The following TTC7A variants were observed in gnomAD, a reference collection of about 807,000 sequenced individuals.
The protein encoded by TTC7A is tetratricopeptide repeat domain 7A.
In TTC7A, 110 loss-of-function variants were observed where a neutral mutation model predicts 103.7. The ratio of observed to expected loss-of-function variants is 1.06; its 90% CI spans 0.91 to 1.24. The LOEUF (loss-of-function observed/expected upper bound fraction) is 1.24, where lower values mean the gene tolerates loss of function less well. Among genes scored for constraint, TTC7A ranks in the 50% most tolerant of loss-of-function variants. The pLI, the probability that TTC7A is intolerant of heterozygous loss-of-function variation, is 0.00. For missense variants in TTC7A, 1,340 were observed against 1,116.3 expected, an observed-to-expected ratio of 1.20 and a Z score of -2.86; for synonymous variants, 521 against 467.9, an observed-to-expected ratio of 1.11 and a Z score of -1.47.
intron 2 of TTC7A, among the ~76,000 whole-genome samples, chr2:46,922,080 G>C (rs1669134110): frequency 6.6e-6 from 1 of 152,196 alleles, no homozygotes; most frequent in Admixed American, 6.5e-5. Flanking sequence ...AAGCTGATTA[G>C]CTGGCATCCA....
intron 12 of TTC7A, among the ~76,000 whole-genome samples, chr2:47,022,236 C>G (rs1679373527): frequency 6.6e-6 from 1 of 152,194 alleles, no homozygotes; most frequent in South Asian, 2.1e-4. Flanking sequence ...CTTCATGGGC[C>G]TCAAGGCCCA....
chr2:47,021,678 G>T (rs910321368), intron 11 of TTC7A, among the ~76,000 whole-genome samples, 184 bp from the exon 12 acceptor site: 1 of 152,256 alleles, frequency 6.6e-6, no homozygotes, highest in Admixed American at 6.5e-5. Flanking sequence ...TTGGGTTCAT[G>T]CTCTCAGCAG....
At chr2:47,020,097 C>T (rs1176480204) in intron 11 of TTC7A, among the ~76,000 whole-genome samples, 1 of 152,118 alleles carries the variant, frequency 6.6e-6, no homozygotes, top group African/African-American at 2.4e-5. Context: ...GTGTCAGCTC[C>T]TCCGCCAGGC....
At chr2:47,047,653 C>T (rs941234348) in intron 16 of TTC7A, among the ~76,000 whole-genome samples, 2 of 152,224 alleles carry the variant, frequency 1.3e-5, no homozygotes, top group African/African-American at 4.8e-5. Context: ...TTCCTGCATC[C>T]TTATCTGGAT....
At chr2:46,973,810 C>T (rs1179909138) in intron 3 of TTC7A, among the ~76,000 whole-genome samples, 1 of 152,156 alleles carries the variant, frequency 6.6e-6, no homozygotes, top group African/African-American at 2.4e-5. Flanking sequence ...ACTTGCTCAC[C>T]CAGTTTCAAG....
At chr2:47,011,807 G>C (rs892849038) in intron 11 of TTC7A, among the ~76,000 whole-genome samples, 1 of 152,246 alleles carries the variant, frequency 6.6e-6, no homozygotes, top group Non-Finnish European at 1.5e-5. Flanking sequence ...CAATCTGCAA[G>C]GGCCTGCAAG....
intron 10 of TTC7A, among the ~76,000 whole-genome samples, chr2:47,009,574 G>A (rs1411799505): frequency 3.3e-5 from 5 of 152,150 alleles, no homozygotes; most frequent in African/African-American, 4.8e-5. Flanking sequence ...GGAGGGAGGC[G>A]GGGTGTCCAG....
At chr2:46,973,398 G>A (rs986840006) in intron 3 of TTC7A, among the ~76,000 whole-genome samples, 2 of 152,332 alleles carry the variant, frequency 1.3e-5, no homozygotes, top group South Asian at 2.1e-4. Context: ...TCCAGCCACC[G>A]CATGGTGCAG....
intron 15 of TTC7A, among the ~76,000 whole-genome samples, chr2:47,032,422 C>T (rs1680647236): frequency 6.6e-6 from 1 of 152,186 alleles, no homozygotes; most frequent in African/African-American, 2.4e-5. Flanking sequence ...AGGCAGGAAC[C>T]TCTGCCGTGG....
chr2:46,932,966 G>C (rs980439911), intron 2 of TTC7A, among the ~76,000 whole-genome samples: 1 of 151,912 alleles, frequency 6.6e-6, no homozygotes, highest in African/African-American at 2.4e-5. Context: ...TATAATCTCT[G>C]AGTGGCCAGA....
intron 18 of TTC7A, among the ~76,000 whole-genome samples, chr2:47,056,363 G>C (rs2949785): frequency 0.2 from 29,935 of 152,232 alleles, 3,033 homozygotes; most frequent in Non-Finnish European, 0.22. Flanking sequence ...CTCCTGCCCT[G>C]TGGCTCACCT....
chr2:47,012,612 AATC>A (rs1678192152), intron 11 of TTC7A, among the ~76,000 whole-genome samples: 1 of 152,184 alleles, frequency 6.6e-6, no homozygotes, highest in Non-Finnish European at 1.5e-5. Context: ...TACACAAACA[AATC>A]ATGGATTCTG....
intron 1 of TTC7A, among the ~76,000 whole-genome samples, chr2:46,942,266 C>T (rs142626167): frequency 6.6e-6 from 1 of 151,956 alleles, no homozygotes; most frequent in East Asian, 1.9e-4. Context: ...CCAGCTCTAG[C>T]AGTCGGTGGC....
intron 19 of TTC7A, among the ~76,000 whole-genome samples, chr2:47,070,552 A>C (rs899857093): frequency 6.6e-6 from 1 of 152,184 alleles, no homozygotes; most frequent in South Asian, 2.1e-4. Context: ...GGGGCAGGAC[A>C]GGGATCACAT....
At chr2:46,932,237 C>T (rs1669744714) in intron 2 of TTC7A, among the ~76,000 whole-genome samples, 1 of 151,648 alleles carries the variant, frequency 6.6e-6, no homozygotes, top group African/African-American at 2.4e-5. Flanking sequence ...GCAACCTCTT[C>T]CTCCTCGGTT....
At chr2:46,987,157 G>A (rs964335739) in intron 5 of TTC7A, among the ~76,000 whole-genome samples, 9 of 152,292 alleles carry the variant, frequency 5.9e-5, no homozygotes, top group East Asian at 1.9e-4. Context: ...TGGGGGTGGA[G>A]GGCGTCTCTT....
At chr2:47,054,261 TTACA>T (rs1573044829) in intron 18 of TTC7A, 1 of 264,076 alleles carries the variant, frequency 3.8e-6, no homozygotes, top group East Asian at 1.7e-3. Context: ...ATGTAACAGT[TTACA>T]GTTTACAGAT....
chr2:46,999,859 G>T, intron 8 of TTC7A: 1 of 985,448 alleles, frequency 1.0e-6, no homozygotes, highest in Non-Finnish European at 1.2e-6. Flanking sequence ...AATGGAAAGG[G>T]TACAGAGCCC....
chr2:46,980,337 A>G (rs982125065), intron 5 of TTC7A, among the ~76,000 whole-genome samples: 2 of 150,308 alleles, frequency 1.3e-5, no homozygotes, highest in African/African-American at 4.9e-5. Flanking sequence ...CTCCCACCTC[A>G]GCCTCCTGAG....
Sources: gnomAD v4.1 joint callset for allele counts (sites outside exome capture counted in the v4.1 genomes callset) on GRCh38, gnomAD v4.1.1 for gene constraint, MANE v1.5 for transcripts, NCBI Gene and HGNC (gene_info 2026-07-23, HGNC 2026-07-21) for gene names.